Variants in EPHA3 observed in about 807,000 individuals in gnomAD.
The protein encoded by EPHA3 is ephrin type-A receptor 3.
A neutral mutation model predicts 107.1 loss-of-function variants in EPHA3; 42 were observed. The ratio of observed to expected loss-of-function variants is 0.39; its 90% CI spans 0.31 to 0.51. EPHA3 has a LOEUF of 0.51. Among genes scored for constraint, EPHA3 ranks in the 20% least tolerant of loss-of-function variants. EPHA3 has a pLI of 0.78. For missense variants in EPHA3, 1,183 were observed against 1,211.2 expected, an observed-to-expected ratio of 0.98 and a Z score of 0.35; for synonymous variants, 461 against 424.8, an observed-to-expected ratio of 1.09 and a Z score of -1.05.
intron 5 of EPHA3, among the ~76,000 whole-genome samples, chr3:89,363,465 A>G (rs1186546543): frequency 6.6e-6 from 1 of 150,648 alleles, no homozygotes; most frequent in Admixed American, 6.7e-5. Context: ...AGGGTTCTCT[A>G]TTTTTTCTCT....
intron 2 of EPHA3, among the ~76,000 whole-genome samples, chr3:89,142,086 C>A (rs571708704): frequency 1.3e-5 from 2 of 151,344 alleles, no homozygotes; most frequent in Non-Finnish European, 3.0e-5. Flanking sequence ...TATTTGCTAT[C>A]TAAAACTGAT....
At position 89,208,541 on chromosome 3, in the gene EPHA3, AAAG is replaced by A. The variant is rs1221653588; in HGVS notation, c.154-1316_154-1314del. Among the ~76,000 whole-genome samples, 3 of 149,494 alleles carry A rather than the reference AAAG, an allele frequency of 2.0e-5. No homozygotes were observed. The East Asian group carries it at 6.0e-4, about 30-fold the overall frequency. On this transcript the variant is annotated intron_variant, in intron 2 of 16. Coordinates refer to ENST00000336596, the MANE Select transcript of EPHA3 (RefSeq NM_005233.6). ...AAGGAAGGGAAAGAAAGAAAGAAAA[AAAG>A]AAAGAGAAAGAAAGAAAGATAAAAA... is the stretch of plus-strand genomic sequence containing the variant.
chr3:89,387,964 A>G (rs984339129), intron 5 of EPHA3, among the ~76,000 whole-genome samples: 3 of 152,154 alleles, frequency 2.0e-5, no homozygotes, highest in African/African-American at 4.8e-5. Flanking sequence ...AATCTTGTGT[A>G]TACTGTTATC....
intron 2 of EPHA3, among the ~76,000 whole-genome samples, chr3:89,193,140 A>G (rs1442084247): frequency 1.3e-5 from 2 of 152,068 alleles, no homozygotes; most frequent in Non-Finnish European, 2.9e-5. Context: ...AAAATATCTG[A>G]ATATCTTCTC....
chr3:89,302,880 T>G (rs1238167855), intron 3 of EPHA3, among the ~76,000 whole-genome samples: 1 of 152,050 alleles, frequency 6.6e-6, no homozygotes, highest in Non-Finnish European at 1.5e-5. Context: ...ACACTTGAAC[T>G]TATTCTTTTT....
At chr3:89,428,444 T>C (rs1709499686) in intron 11 of EPHA3, among the ~76,000 whole-genome samples, 1 of 152,156 alleles carries the variant, frequency 6.6e-6, no homozygotes, top group African/African-American at 2.4e-5. Flanking sequence ...AGGCTACATA[T>C]TTGCAAACTG....
intron 3 of EPHA3, among the ~76,000 whole-genome samples, chr3:89,219,770 G>A (rs1467199058): frequency 8.5e-6 from 1 of 117,710 alleles, no homozygotes; most frequent in African/African-American, 3.2e-5. Flanking sequence ...GTGCAGTGGC[G>A]GGATCTCGGC....
intron 2 of EPHA3, among the ~76,000 whole-genome samples, chr3:89,194,347 T>A (rs7647240): frequency 0.23 from 35,015 of 151,696 alleles, 4,157 homozygotes; most frequent in Middle Eastern, 0.33. Context: ...TAGAGCAGAG[T>A]TTTATCCAGA....
intron 13 of EPHA3, among the ~76,000 whole-genome samples, chr3:89,443,130 G>A (rs1196617608): frequency 2.0e-5 from 3 of 151,890 alleles, no homozygotes; most frequent in African/African-American, 7.3e-5. Context: ...TCTACAAAGG[G>A]GTAACGTCCA....
intron 15 of EPHA3, among the ~76,000 whole-genome samples, chr3:89,472,000 C>A (rs1710412553): frequency 6.6e-6 from 1 of 151,978 alleles, no homozygotes; most frequent in Non-Finnish European, 1.5e-5. Context: ...ATTGTTCAAG[C>A]CATTCTTTAG....
intron 9 of EPHA3, among the ~76,000 whole-genome samples, chr3:89,408,695 A>G (rs1243519098): frequency 1.3e-5 from 2 of 152,140 alleles, no homozygotes; most frequent in Non-Finnish European, 2.9e-5. Context: ...TTTCAGAAAC[A>G]AAGTGTTTAC....
intron 5 of EPHA3, among the ~76,000 whole-genome samples, chr3:89,355,976 C>G (rs1707941318): frequency 7.8e-6 from 1 of 127,754 alleles, no homozygotes; most frequent in Non-Finnish European, 1.7e-5. Flanking sequence ...AAAGCTATCC[C>G]TTCCCCCTCC....
At chr3:89,300,038 A>C (rs987011085) in intron 3 of EPHA3, among the ~76,000 whole-genome samples, 1 of 152,066 alleles carries the variant, frequency 6.6e-6, no homozygotes, top group African/African-American at 2.4e-5. Context: ...CAACAAAAGA[A>C]TTTAAAAATA....
In EPHA3 at chr3:89,480,397, A is replaced by G. The variant is rs1436646867; in HGVS notation, c.*895A>G. ...TCATTGTTGCCTCTCCGTTTATTAT[A>G]AACTGTATGCTCACAACTTAGTGTA... On this transcript the variant is annotated 3_prime_UTR_variant, in exon 17 of 17. Coordinates refer to ENST00000336596, the MANE Select transcript of EPHA3 (RefSeq NM_005233.6). 2.1e-5 allele frequency: 5 copies of G among 233,180 alleles called. No homozygotes were observed. Among genetic ancestry groups the G allele is most frequent in the African/African-American group, 1.1e-4 (5 of 45,332 alleles). 14.4% of individuals were successfully genotyped at this position (233,180 alleles called of 1,614,324 possible). A position where few individuals can be genotyped will look rare whatever the true frequency, so the allele number is the denominator to read the frequency against.
chr3:89,352,902 C>CAAAAAAAAAAAAAAAAAAAAAA (rs1215369952), intron 5 of EPHA3, among the ~76,000 whole-genome samples: 4 of 41,004 alleles, frequency 9.8e-5, no homozygotes, highest in African/African-American at 2.9e-4. Context: ...GACTCTGTCT[C>CAAAAAAAAAAAAAAAAAAAAAA]AAAAAAAAAA....
intron 9 of EPHA3, among the ~76,000 whole-genome samples, chr3:89,411,841 C>T (rs768587697): frequency 7.2e-5 from 11 of 151,830 alleles, no homozygotes; most frequent in East Asian, 1.9e-4. Flanking sequence ...GATTGGTTCA[C>T]GCAGGGTGTT....
At chr3:89,170,917 G>A (rs1429490273) in intron 2 of EPHA3, among the ~76,000 whole-genome samples, 1 of 148,198 alleles carries the variant, frequency 6.7e-6, no homozygotes, top group Non-Finnish European at 1.5e-5. Context: ...AGCATGAAGA[G>A]CATATGCTAA....
intron 13 of EPHA3, among the ~76,000 whole-genome samples, chr3:89,447,329 G>A (rs1389305037): frequency 6.6e-6 from 1 of 152,110 alleles, no homozygotes; most frequent in African/African-American, 2.4e-5. Flanking sequence ...TGTCTTTGCA[G>A]GCTTATTCTT....
intron 3 of EPHA3, among the ~76,000 whole-genome samples, chr3:89,304,722 A>G (rs941863189): frequency 2.6e-5 from 4 of 152,238 alleles, no homozygotes; most frequent in Admixed American, 2.6e-4. Flanking sequence ...AAACAATGTA[A>G]TATGCATATT....
Sources: gnomAD v4.1 joint callset for allele counts (sites outside exome capture counted in the v4.1 genomes callset) on GRCh38, gnomAD v4.1.1 for gene constraint, MANE v1.5 for transcripts, NCBI Gene and HGNC (gene_info 2026-07-23, HGNC 2026-07-21) for gene names.